MCM4: variants seen among roughly 807,000 people sequenced by gnomAD.
The protein encoded by MCM4 is minichromosome maintenance complex component 4, also known as DNA replication licensing factor MCM4.
MCM4 carries 60 observed loss-of-function variants against 88.7 expected under a neutral mutation model. The observed-to-expected ratio is 0.68, with a 90% CI of 0.55 to 0.84. The LOEUF (loss-of-function observed/expected upper bound fraction) is 0.84, where lower values mean the gene tolerates loss of function less well. Ranked by LOEUF, MCM4 falls within the 40% of genes least tolerant of loss-of-function variation. The pLI is 0.00. For missense variants in MCM4, 1,149 were observed against 1,105.5 expected (o/e 1.04, Z -0.56); for synonymous variants, 465 against 410.5 (o/e 1.13, Z -1.61).
chr8:47,975,951 A>G (rs969864600), intron 16 of MCM4, 103 bp downstream of exon 16: 15 of 851,602 alleles, frequency 1.8e-5, no homozygotes, highest in Non-Finnish European at 1.6e-6. Context: ...AATATAGAGA[A>G]GAATGAAGAA....
At chr8:47,961,907 A>G (rs898887309) in intron 3 of MCM4, 146 bp from the exon 4 acceptor site, 5 of 920,380 alleles carry the variant, frequency 5.4e-6, no homozygotes, top group African/African-American at 1.7e-5. Context: ...TTAATAGAAC[A>G]TTTAAGAGTG....
In MCM4 at chr8:47,974,797, C is replaced by A. The variant is rs1223269906; in HGVS notation, c.2200C>A (p.Leu734Ile). Reference sequence around the variant, plus strand: ...AATGGTTTCTGCATACCCTCGACAGCTAGAGTCATTAATCCGCTTAGCAGA... The same window carrying A: ...AATGGTTTCTGCATACCCTCGACAGATAGAGTCATTAATCCGCTTAGCAGA... ...RGMVSAYPRQLESLIRLAEAH... is the reference protein window; with the variant it reads ...RGMVSAYPRQIESLIRLAEAH... Residue 734 changes from leucine (L) to isoleucine (I), a missense_variant, in exon 15 of 17, where the codon CTA (leucine) becomes ATA (isoleucine). By Grantham distance (5) the Leu-to-Ile change is conservative. Transcript: ENST00000649973. 4 of 1,614,082 alleles carry A rather than the reference C, an allele frequency of 2.5e-6. No individual in the cohort carries two copies. The Admixed American group carries it at 6.7e-5, about 27-fold the overall frequency.
chr8:47,969,016 C>T (rs906993765), intron 10 of MCM4: 7 of 152,188 alleles, frequency 4.6e-5, no homozygotes, highest in Non-Finnish European at 7.3e-5. Flanking sequence ...ATTCTGTACA[C>T]TCAACTTAGG....
Position 47,976,997 on chromosome 8 carries a change from G to A in MCM4, c.*219G>A. Reference sequence around the variant, plus strand: ...AAATACTATGCTGGCCGGGCGCGGTGGCTCACACCTGTAATCCCAGCACTT... The same window carrying A: ...AAATACTATGCTGGCCGGGCGCGGTAGCTCACACCTGTAATCCCAGCACTT... On this transcript the variant is annotated 3_prime_UTR_variant, in exon 17 of 17. Coordinates refer to ENST00000649973, the MANE Select transcript of MCM4 (RefSeq NM_182746.3). The A allele has an allele frequency of 2.8e-6, 1 of 359,782 alleles. No individual in the cohort carries two copies. The highest frequency in any genetic ancestry group is 5.3e-6 in the Non-Finnish European group (1 of 188,072). 22.3% of individuals were successfully genotyped at this position (359,782 alleles called of 1,614,324 possible).
intron 3 of MCM4, 21 bp downstream of exon 3, chr8:47,961,701 G>A (rs746377938): frequency 1.9e-6 from 3 of 1,589,808 alleles, no homozygotes; most frequent in Non-Finnish European, 2.6e-6. Context: ...GAAGATCTTG[G>A]TTTTGCTGTG....
Position 47,961,178 on chromosome 8 carries a change from G to A in MCM4, c.34G>A (p.Gly12Ser), listed in dbSNP as rs1264876613. ...CCCGGCGTCGACCCCGAGCCGCCGC[G>A]GCAGCCGGCGTGGAAGGGCCACCCC... Reference protein sequence around the residue: ...SSPASTPSRRGSRRGRATPAQ... With the variant: ...SSPASTPSRRSSRRGRATPAQ... Residue 12 changes from glycine (G) to serine (S), a missense_variant, in exon 2 of 17, where the codon GGC (glycine) becomes AGC (serine). Transcript: ENST00000649973. The A allele has an allele frequency of 6.5e-7, 1 of 1,549,704 alleles. No individual in the cohort carries two copies. The highest frequency in any genetic ancestry group is 8.6e-7 in the Non-Finnish European group (1 of 1,157,998).
At position 47,969,850 on chromosome 8, in the gene MCM4, G is replaced by C. The variant is rs145537596; in HGVS notation, c.1227G>C (p.Lys409Asn). The C allele has an allele frequency of 2.5e-6, 4 of 1,614,118 alleles. No individual in the cohort carries two copies. The African/African-American group carries it at 4.0e-5, about 16-fold the overall frequency. Residue 409 changes from lysine (K) to asparagine (N), a missense_variant, in exon 11 of 17, where the codon AAG (lysine) becomes AAC (asparagine). By Grantham distance (94) the Lys-to-Asn change is moderately conservative. Transcript: ENST00000649973. Reference sequence around the variant, plus strand: ...TCAATCCAAGAGTGAGTAATGTGAAGTCTGTCTACAAAACCCACATTGATG... The same window carrying C: ...TCAATCCAAGAGTGAGTAATGTGAACTCTGTCTACAAAACCCACATTGATG... ...IRVNPRVSNV[K>N]SVYKTHIDVI... is the part of the protein sequence containing the mutation.
At position 47,962,127 on chromosome 8, in the gene MCM4, A is replaced by G. The variant is rs769536685; in HGVS notation, c.310A>G (p.Arg104Gly). 6.8e-6 allele frequency: 11 copies of G among 1,614,034 alleles called. No homozygotes were observed. The highest frequency in any genetic ancestry group is 9.3e-6 in the Non-Finnish European group (11 of 1,179,994). The part of the protein sequence containing the change: ...TPSSRVEGTP[R>G]SGVRGTPVRQ... Reference sequence around the variant, plus strand: ...CAGCTCTCGGGTAGAGGGAACCCCAAGAAGTGGTGTTAGGGGCACACCTGT... The same window carrying G: ...CAGCTCTCGGGTAGAGGGAACCCCAGGAAGTGGTGTTAGGGGCACACCTGT... The change falls in exon 4 of 17, where the codon AGA becomes GGA. Residue 104 changes from arginine to glycine, a missense_variant. Arg to Gly is a moderately radical substitution (Grantham distance 125). Transcript: ENST00000649973.
chr8:47,961,526 G>A lies in MCM4; in HGVS notation c.81G>A (p.Glu27=). Residue 27 remains glutamate, a synonymous_variant, in exon 3 of 17, where the codon GAG becomes GAA. Coordinates refer to ENST00000649973, the MANE Select transcript of MCM4 (RefSeq NM_182746.3). The part of the protein sequence containing the change: ...RATPAQTPRS[E]DARSSPSQRR... ...TTTGTGTGACACAAGCTCGGAGTGA[G>A]GATGCCAGGTCATCTCCCTCTCAGA... is the stretch of plus-strand genomic sequence containing the variant. The A allele has an allele frequency of 6.2e-7, 1 of 1,614,054 alleles. No homozygotes were observed. The highest frequency in any genetic ancestry group is 8.5e-7 in the Non-Finnish European group (1 of 1,180,036).
rs1041924256 is a variant in MCM4 at position 47,972,993 on chromosome 8, G to A, written c.2065G>A (p.Asp689Asn). ...EELLDMAVLK[D>N]YIAYAHSTIM... ...GCTCCTGGACATGGCGGTGCTAAAG[G>A]ACTACATTGCCTACGCGCACAGCAC... Residue 689 changes from aspartate to asparagine, a missense_variant, in exon 14 of 17, where the codon GAC (aspartate) becomes AAC (asparagine). By Grantham distance (23) the Asp-to-Asn change is conservative. This residue lies in a region of MCM4 where 238 missense variants were observed against 241.6 expected (regional missense o/e 0.99). Transcript: ENST00000649973. 1.9e-6 allele frequency: 3 copies of A among 1,614,056 alleles called. No homozygotes were observed. Among genetic ancestry groups the A allele is most frequent in the Non-Finnish European group, 2.5e-6 (3 of 1,180,030 alleles).
chr8:47,974,005 T>A (rs1014726976), intron 14 of MCM4: 2 of 152,216 alleles, frequency 1.3e-5, no homozygotes, highest in Non-Finnish European at 2.9e-5. Context: ...TCATCCAGTT[T>A]CTGTAAGCTT....
At position 47,977,329 on chromosome 8, in the gene MCM4, C is replaced by T. The variant is rs1292040012; in HGVS notation, c.*551C>T. Reference sequence around the variant, plus strand: ...TACCGTAGAGATTATTTTCAGGTGCCATTTTATAGTATAGCAGCAGGGCTT... The same window carrying T: ...TACCGTAGAGATTATTTTCAGGTGCTATTTTATAGTATAGCAGCAGGGCTT... On this transcript the variant is annotated 3_prime_UTR_variant, in exon 17 of 17. Coordinates refer to ENST00000649973, the MANE Select transcript of MCM4 (RefSeq NM_182746.3). 6.6e-6 allele frequency: 1 copy of T among 151,590 alleles called. No homozygotes were observed. Among genetic ancestry groups the T allele is most frequent in the African/African-American group, 2.4e-5 (1 of 41,024 alleles). The allele number at this position is 151,590 out of a possible 1,614,324, so 9.4% of individuals were successfully genotyped here.
intron 8 of MCM4, among the ~76,000 whole-genome samples, chr8:47,965,892 T>C (rs1209146966): frequency 6.6e-6 from 1 of 152,142 alleles, no homozygotes; most frequent in Non-Finnish European, 1.5e-5. Context: ...CTGGCTTTTT[T>C]CCTGACACAG....
chr8:47,976,748 A>G lies in MCM4; in HGVS notation c.2562A>G (p.Thr854=). The G allele has an allele frequency of 6.2e-7, 1 of 1,613,466 alleles. No homozygotes were observed. ...CCCTGGCAGATGATGATTTCCTGAC[A>G]GTGACTGGGAAGACCGTGCGCTTGC... The part of the protein sequence containing the change: ...LRALADDDFL[T]VTGKTVRLL The change falls in exon 17 of 17, where the codon ACA becomes ACG. Residue 854 remains threonine, a synonymous_variant. Coordinates refer to ENST00000649973, the MANE Select transcript of MCM4 (RefSeq NM_182746.3).
Position 47,966,229 on chromosome 8 carries a change from C to T in MCM4, c.875C>T (p.Thr292Ile). 6.2e-7 allele frequency: 1 copy of T among 1,614,140 alleles called. No individual in the cohort carries two copies. Among genetic ancestry groups the T allele is most frequent in the East Asian group, 2.2e-5 (1 of 44,876 alleles). The change falls in exon 9 of 17, where the codon ACA becomes ATA. Residue 292 changes from threonine (T) to isoleucine (I), a missense_variant. Coordinates refer to ENST00000649973, the MANE Select transcript of MCM4 (RefSeq NM_182746.3). ...ACCATCAGCGGCATGGTGATCAGGA[C>T]ATCCCAGCTGATTCCCGAGATGCAG... Reference protein sequence around the residue: ...LITISGMVIRTSQLIPEMQEA... With the variant: ...LITISGMVIRISQLIPEMQEA...
Position 47,970,846 on chromosome 8 carries a change from C to A in MCM4, c.1770C>A (p.Val590=). Residue 590 remains valine, a synonymous_variant, in exon 12 of 17, where the codon GTC becomes GTA. Coordinates refer to ENST00000649973, the MANE Select transcript of MCM4 (RefSeq NM_182746.3). ...NESTRSVLHE[V]MEQQTLSIAK... is the part of the protein sequence containing the mutation. ...GTACAAGATCGGTATTGCATGAAGT[C>A]ATGGAACAGCAGACTCTGTCCATTG... is the stretch of plus-strand genomic sequence containing the variant. 2 of 1,605,088 alleles carry A rather than the reference C, an allele frequency of 1.2e-6. No homozygotes were observed. The highest frequency in any genetic ancestry group is 2.2e-5 in the South Asian group (2 of 90,370).
intron 16 of MCM4, among the ~76,000 whole-genome samples, chr8:47,976,228 G>C (rs1244639011): frequency 6.6e-6 from 1 of 151,742 alleles, no homozygotes; most frequent in Non-Finnish European, 1.5e-5. Flanking sequence ...GGGAGGCGGA[G>C]GTTGCAGTAA....
intron 10 of MCM4, 33 bp from the exon 11 acceptor site, chr8:47,969,765 A>G (rs2090934250): frequency 8.1e-6 from 13 of 1,610,756 alleles, no homozygotes; most frequent in Non-Finnish European, 1.1e-5. Flanking sequence ...AGATATGGGA[A>G]GGTAAAAGTG....
chr8:47,976,112 G>A (rs1444062518), intron 16 of MCM4, among the ~76,000 whole-genome samples: 2 of 151,952 alleles, frequency 1.3e-5, no homozygotes, highest in East Asian at 3.9e-4. Flanking sequence ...GACCAATATG[G>A]TGAAACCCTG....
Sources: allele counts gnomAD v4.1 joint callset (sites outside exome capture counted in the v4.1 genomes callset), GRCh38; gene constraint gnomAD v4.1.1; regional missense constraint gnomAD v4.1.1; transcripts MANE v1.5; gene names NCBI Gene and HGNC (gene_info 2026-07-23, HGNC 2026-07-21).